The following GHR variants were observed in gnomAD, a reference collection of about 807,000 sequenced individuals.
The protein encoded by GHR is growth hormone receptor.
A neutral mutation model predicts 67.1 loss-of-function variants in GHR; 35 were observed. That is an observed-to-expected ratio of 0.52 (90% CI 0.40 to 0.69). The LOEUF (loss-of-function observed/expected upper bound fraction) is 0.69. GHR is among the 30% of genes least tolerant of loss of function. The pLI, the probability that GHR is intolerant of heterozygous loss-of-function variation, is 0.00. For synonymous variants in GHR, 272 were observed against 269.1 expected, an observed-to-expected ratio of 1.01 and a Z score of -0.10; for missense variants, 792 against 764.6, an observed-to-expected ratio of 1.04 and a Z score of -0.42.
At chr5:42,620,250 A>G (rs1243546438) in intron 2 of GHR, among the ~76,000 whole-genome samples, 1 of 150,992 alleles carries the variant, frequency 6.6e-6, no homozygotes, top group Non-Finnish European at 1.5e-5. Flanking sequence ...AACTCAAAAT[A>G]TATGGTAAAT....
intron 3 of GHR, among the ~76,000 whole-genome samples, chr5:42,668,112 T>A (rs1050528693): frequency 2.0e-5 from 3 of 152,292 alleles, no homozygotes; most frequent in South Asian, 4.1e-4. Context: ...ATGCCACTTG[T>A]TGATTAATTG....
intron 1 of GHR, among the ~76,000 whole-genome samples, chr5:42,486,701 A>T (rs2089645): frequency 6.6e-6 from 1 of 151,772 alleles, no homozygotes; most frequent in Non-Finnish European, 1.5e-5. Flanking sequence ...CAAAAAATTA[A>T]CCGGGCGTCG....
intron 1 of GHR, among the ~76,000 whole-genome samples, chr5:42,496,438 A>G (rs1002540861): frequency 2.6e-5 from 4 of 152,062 alleles, no homozygotes; most frequent in Non-Finnish European, 5.9e-5. Context: ...TTAAGGCTGG[A>G]TATAGCATGT....
chr5:42,429,986 G>C (rs1008832952), intron 1 of GHR, among the ~76,000 whole-genome samples: 5 of 152,150 alleles, frequency 3.3e-5, no homozygotes, highest in Non-Finnish European at 7.3e-5. Context: ...TTGGGCAACT[G>C]GGATTTAAGA....
chr5:42,670,142 C>G lies in GHR; in HGVS notation c.137-18748C>G, dbSNP rs1303006728. On this transcript the variant is annotated intron_variant, in intron 3 of 9. Coordinates refer to ENST00000230882, the MANE Select transcript of GHR (RefSeq NM_000163.5). ...AAATATATTACAAAGCTACAATATTCAAAATAGCATGCTACTGGCATTAAA... is the reference window on the plus strand; with the variant it reads ...AAATATATTACAAAGCTACAATATTGAAAATAGCATGCTACTGGCATTAAA... Among the ~76,000 whole-genome samples, 5 of 152,164 alleles carry G rather than the reference C, an allele frequency of 3.3e-5. No homozygotes were observed. In the East Asian group the frequency reaches 9.6e-4, roughly 29 times the overall value.
chr5:42,548,592 T>C, intron 1 of GHR: 1 of 716,104 alleles, frequency 1.4e-6, no homozygotes, highest in Non-Finnish European at 1.7e-6. Flanking sequence ...GGTTTTTTTT[T>C]TCTTACTTTT....
chr5:42,635,673 T>G (rs1391997334), intron 3 of GHR, among the ~76,000 whole-genome samples: 1 of 152,174 alleles, frequency 6.6e-6, no homozygotes, highest in Non-Finnish European at 1.5e-5. Context: ...CCCTTCAACT[T>G]CAAGCAATTT....
In GHR at chr5:42,448,045, A is replaced by C. The variant is rs535479140; in HGVS notation, c.-12+24090A>C. Among the ~76,000 whole-genome samples the C allele has an allele frequency of 1.9e-3, 284 of 152,174 alleles. 5 individuals carry two copies. The highest frequency in any genetic ancestry group is 9.7e-4 in the East Asian group (5 of 5,164). The stretch of plus-strand genomic sequence containing the variant: ...CCAAAGTGTTGGGATTACAAGCATG[A>C]GTCACCATGCCCCGCACAAGTGTCT... On this transcript the variant is annotated intron_variant, in intron 1 of 9. Transcript: ENST00000230882.
At chr5:42,449,747 A>G (rs1285922008) in intron 1 of GHR, among the ~76,000 whole-genome samples, 1 of 152,094 alleles carries the variant, frequency 6.6e-6, no homozygotes, top group African/African-American at 2.4e-5. Context: ...ACTTTTCCCT[A>G]TTCAGTACAA....
chr5:42,674,443 T>G (rs892296004), intron 3 of GHR, among the ~76,000 whole-genome samples: 3 of 152,184 alleles, frequency 2.0e-5, no homozygotes, highest in Non-Finnish European at 4.4e-5. Context: ...ATCACTACTA[T>G]CTAACTCTAG....
chr5:42,685,315 T>A (rs1023739739), intron 3 of GHR, among the ~76,000 whole-genome samples: 3 of 152,228 alleles, frequency 2.0e-5, no homozygotes, highest in Admixed American at 6.5e-5. Flanking sequence ...GGTGCATATA[T>A]GCAACATTTT....
At chr5:42,456,783 T>C (rs761522723) in intron 1 of GHR, among the ~76,000 whole-genome samples, 1 of 152,142 alleles carries the variant, frequency 6.6e-6, no homozygotes, top group Non-Finnish European at 1.5e-5. Context: ...TGTAAGCTAG[T>C]TGGTTTGTGA....
At position 42,514,377 on chromosome 5, in the gene GHR, T is replaced by C. The variant is rs548258110; in HGVS notation, c.-11-51487T>C. 7.7e-5 allele frequency: 74 copies of C among 961,358 alleles called. No homozygotes were observed. In the African/African-American group the frequency reaches 1.3e-3, roughly 16 times the overall value. The allele number at this position is 961,358 out of a possible 1,614,324, so 59.6% of individuals were successfully genotyped here. The stretch of plus-strand genomic sequence containing the variant: ...CTCTGATAACCAGGTCTCTCTTCTG[T>C]CCTATTATAATTTATGACCTTTGAA... On this transcript the variant is annotated intron_variant, in intron 1 of 9. Transcript: ENST00000230882.
At chr5:42,714,855 T>C (rs1382673280) in intron 8 of GHR, among the ~76,000 whole-genome samples, 1 of 152,216 alleles carries the variant, frequency 6.6e-6, no homozygotes, top group East Asian at 1.9e-4. Flanking sequence ...TTTATTAATC[T>C]ATATATTTGG....
At chr5:42,607,697 G>C (rs899361177) in intron 2 of GHR, among the ~76,000 whole-genome samples, 2 of 152,158 alleles carry the variant, frequency 1.3e-5, no homozygotes, top group Non-Finnish European at 2.9e-5. Context: ...CTTGATTTGG[G>C]ATAGAAGAAG....
At chr5:42,466,061 A>C in intron 1 of GHR, 1 of 394,104 alleles carries the variant, frequency 2.5e-6, no homozygotes, top group South Asian at 2.9e-5. Flanking sequence ...TGATTCCTCT[A>C]TCCAGGAAGG....
chr5:42,687,353 G>A (rs181466920), intron 3 of GHR, among the ~76,000 whole-genome samples: 2 of 152,288 alleles, frequency 1.3e-5, no homozygotes, highest in East Asian at 3.9e-4. Context: ...AAATGAGCCT[G>A]CATAGCCAAG....
At chr5:42,697,641 G>A (rs766277955) in intron 5 of GHR, among the ~76,000 whole-genome samples, 42 of 152,284 alleles carry the variant, frequency 2.8e-4, no homozygotes, top group Non-Finnish European at 5.0e-4. Context: ...CAGAGTGAGC[G>A]AGGAGACTGG....
intron 1 of GHR, among the ~76,000 whole-genome samples, chr5:42,488,404 C>T (rs1415105181): frequency 6.6e-6 from 1 of 152,184 alleles, no homozygotes; most frequent in Non-Finnish European, 1.5e-5. Context: ...TAAAGCCCAT[C>T]CTTTTAACTG....
Sources: gnomAD v4.1 joint callset for allele counts (sites outside exome capture counted in the v4.1 genomes callset) on GRCh38, gnomAD v4.1.1 for gene constraint, MANE v1.5 for transcripts, NCBI Gene and HGNC (gene_info 2026-07-23, HGNC 2026-07-21) for gene names.